FBXL17: variants seen among roughly 807,000 people sequenced by gnomAD.
FBXL17 encodes F-box and leucine rich repeat protein 17, also known as F-box/LRR-repeat protein 17.
Under a neutral mutation model 66.2 loss-of-function variants are expected in FBXL17, and 22 were observed. The observed-to-expected ratio is 0.33, with a 90% confidence interval of 0.24 to 0.47. The LOEUF (loss-of-function observed/expected upper bound fraction) is 0.47, where lower values mean the gene tolerates loss of function less well. Ranked by LOEUF, FBXL17 falls within the 20% of genes least tolerant of loss-of-function variation. FBXL17 has a pLI of 1.00. For synonymous variants in FBXL17, 474 were observed against 400.5 expected (o/e 1.18, Z -2.19); for missense variants, 878 against 948.2 (o/e 0.93, Z 0.97).
intron 6 of FBXL17, among the ~76,000 whole-genome samples, chr5:108,040,717 C>T (rs1747012783): frequency 6.6e-6 from 1 of 152,054 alleles, no homozygotes; most frequent in Non-Finnish European, 1.5e-5. Flanking sequence ...TTATCCTTTT[C>T]AAAACAGTAA....
At chr5:108,016,561 T>C (rs1327656015) in intron 7 of FBXL17, among the ~76,000 whole-genome samples, 1 of 152,110 alleles carries the variant, frequency 6.6e-6, no homozygotes, top group Non-Finnish European at 1.5e-5. Flanking sequence ...GACACAAGGT[T>C]CACAATGGTA....
intron 4 of FBXL17, among the ~76,000 whole-genome samples, chr5:108,238,431 T>A (rs1174891043): frequency 6.6e-6 from 1 of 152,234 alleles, no homozygotes; most frequent in African/African-American, 2.4e-5. Context: ...GAAGGGCACA[T>A]GTTAAACATC....
intron 4 of FBXL17, among the ~76,000 whole-genome samples, chr5:108,242,558 T>C (rs1222416812): frequency 6.6e-6 from 1 of 152,116 alleles, no homozygotes; most frequent in Non-Finnish European, 1.5e-5. Context: ...ATGTAATTAT[T>C]TCATCAAGCA....
chr5:108,365,221 C>T (rs1748587997), intron 2 of FBXL17, among the ~76,000 whole-genome samples: 1 of 151,962 alleles, frequency 6.6e-6, no homozygotes, highest in Non-Finnish European at 1.5e-5. Context: ...TTTCCCAAAA[C>T]TCTTGGAATT....
chr5:108,114,919 T>A (rs1262084852), intron 6 of FBXL17, among the ~76,000 whole-genome samples: 1 of 152,296 alleles, frequency 6.6e-6, no homozygotes, highest in East Asian at 1.9e-4. Flanking sequence ...AGATTTCTTA[T>A]CTGGAATATT....
At chr5:107,942,714 C>G (rs549097124) in intron 7 of FBXL17, among the ~76,000 whole-genome samples, 1 of 151,672 alleles carries the variant, frequency 6.6e-6, no homozygotes, top group Non-Finnish European at 1.5e-5. Flanking sequence ...CCTAGTATCT[C>G]TTATTTTAAC....
intron 7 of FBXL17, among the ~76,000 whole-genome samples, chr5:107,896,311 A>G (rs1448589412): frequency 3.3e-5 from 5 of 152,178 alleles, no homozygotes. Context: ...TTCATGCAAA[A>G]TAACAAAGGA....
intron 7 of FBXL17, among the ~76,000 whole-genome samples, chr5:108,014,634 G>C (rs1029855743): frequency 6.6e-6 from 1 of 152,172 alleles, no homozygotes; most frequent in East Asian, 1.9e-4. Flanking sequence ...CAATAGGAAA[G>C]AATGTCAACA....
intron 7 of FBXL17, among the ~76,000 whole-genome samples, chr5:107,922,852 A>T (rs1750370200): frequency 6.6e-6 from 1 of 152,204 alleles, no homozygotes; most frequent in Non-Finnish European, 1.5e-5. Context: ...TGTGGTATAA[A>T]GAATAAGCTC....
intron 7 of FBXL17, among the ~76,000 whole-genome samples, chr5:107,941,463 G>A (rs549778172): frequency 3.3e-5 from 5 of 152,166 alleles, no homozygotes; most frequent in African/African-American, 1.2e-4. Context: ...CCAACCCTCG[G>A]GTAGAATGAC....
intron 8 of FBXL17, among the ~76,000 whole-genome samples, chr5:107,863,657 A>T (rs1258259458): frequency 6.6e-6 from 1 of 152,232 alleles, no homozygotes; most frequent in Non-Finnish European, 1.5e-5. Context: ...ATCTATAAGA[A>T]CTATCATGAG....
intron 4 of FBXL17, among the ~76,000 whole-genome samples, chr5:108,304,524 T>C (rs547488346): frequency 5.9e-5 from 9 of 151,948 alleles, no homozygotes; most frequent in South Asian, 2.1e-4. Context: ...AAAAAACAAA[T>C]AGATACACCT....
intron 7 of FBXL17, among the ~76,000 whole-genome samples, chr5:107,935,868 G>A (rs902589679): frequency 9.2e-5 from 14 of 152,084 alleles, no homozygotes; most frequent in Non-Finnish European, 1.8e-4. Context: ...CTGAAAGGGT[G>A]GGGGAAGACA....
intron 7 of FBXL17, among the ~76,000 whole-genome samples, chr5:108,001,484 A>C (rs1049254110): frequency 6.6e-6 from 1 of 152,134 alleles, no homozygotes. Context: ...TGCAGAAGGA[A>C]AATTAGTTTT....
intron 6 of FBXL17, among the ~76,000 whole-genome samples, chr5:108,161,808 C>T (rs1287827339): frequency 6.6e-6 from 1 of 152,112 alleles, no homozygotes; most frequent in African/African-American, 2.4e-5. Flanking sequence ...AACCAGGGAC[C>T]ATCTTTCATC....
At chr5:107,880,008 G>C (rs1376017926) in intron 8 of FBXL17, 1 of 615,498 alleles carries the variant, frequency 1.6e-6, no homozygotes, top group African/African-American at 2.0e-5. Context: ...ACTTGTTATA[G>C]GTAAAACATG....
chr5:108,376,896 A>G (rs1213662560), intron 1 of FBXL17, among the ~76,000 whole-genome samples: 4 of 150,236 alleles, frequency 2.7e-5, no homozygotes, highest in Non-Finnish European at 5.9e-5. Context: ...AGCTGGGATT[A>G]CAGGCGTGAG....
rs67537467 is a variant in FBXL17 at position 108,143,726 on chromosome 5, GAAAAAAAAAAA to G, written c.1745+42380_1745+42390del. ...CTTGTGAACTTGCTTGTTTTCATGGGAAAAAAAAAAAAAAAAAAAAAAAAGGACCCAAGACT... is the reference window on the plus strand; with the variant it reads ...CTTGTGAACTTGCTTGTTTTCATGGGAAAAAAAAAAAAAGGACCCAAGACT... On this transcript the variant is annotated intron_variant, in intron 6 of 8. Coordinates refer to ENST00000542267, the MANE Select transcript of FBXL17 (RefSeq NM_001163315.3). Among the ~76,000 whole-genome samples the G allele has an allele frequency of 1.8e-4, 19 of 107,546 alleles. 1 individual carries two copies. Among genetic ancestry groups the G allele is most frequent in the African/African-American group, 3.3e-4 (8 of 24,416 alleles). 70.6% of individuals were successfully genotyped at this position (107,546 alleles called of 152,430 possible). A position where few individuals can be genotyped will look rare whatever the true frequency, so the allele number is the denominator to read the frequency against.
chr5:107,927,086 A>G (rs1750547306), intron 7 of FBXL17, among the ~76,000 whole-genome samples: 1 of 152,182 alleles, frequency 6.6e-6, no homozygotes, highest in Admixed American at 6.5e-5. Flanking sequence ...GGTTATTAAA[A>G]TGAATCCCCT....
Sources: gnomAD v4.1 joint callset for allele counts (sites outside exome capture counted in the v4.1 genomes callset) on GRCh38, gnomAD v4.1.1 for gene constraint, MANE v1.5 for transcripts, NCBI Gene and HGNC (gene_info 2026-07-23, HGNC 2026-07-21) for gene names.